Variants in FSTL4 observed in about 807,000 individuals in gnomAD.
FSTL4 encodes the protein follistatin-related protein 4.
Under a neutral mutation model 78.2 loss-of-function variants are expected in FSTL4, and 28 were observed. The observed-to-expected ratio is 0.36, with a 90% CI of 0.27 to 0.49. The LOEUF is 0.49. Among genes scored for constraint, FSTL4 ranks in the 20% least tolerant of loss-of-function variants. The pLI is 0.98. For missense variants in FSTL4, 922 were observed against 1,084.9 expected, an observed-to-expected ratio of 0.85 and a Z score of 2.11; for synonymous variants, 422 against 440.5, an observed-to-expected ratio of 0.96 and a Z score of 0.53.
intron 3 of FSTL4, among the ~76,000 whole-genome samples, chr5:133,512,824 CTT>C (rs11436815): frequency 7.4e-5 from 11 of 149,180 alleles, no homozygotes; most frequent in South Asian, 2.1e-4. Flanking sequence ...GATTTTCTTC[CTT>C]TTTTTTTTTG....
chr5:133,476,658 T>C (rs967825792), intron 3 of FSTL4, among the ~76,000 whole-genome samples: 3 of 152,192 alleles, frequency 2.0e-5, no homozygotes, highest in African/African-American at 7.2e-5. Flanking sequence ...AATTTCCACC[T>C]TCACTGACAT....
the FSTL4 span, among the ~76,000 whole-genome samples, chr5:133,832,559 T>G: frequency 6.6e-6 from 1 of 152,254 alleles, no homozygotes; most frequent in African/African-American, 2.4e-5. Flanking sequence ...CTCAGCCAGA[T>G]ACTAGGTAGG....
In FSTL4 at chr5:133,352,387, C is replaced by T. The variant is rs1356463015; in HGVS notation, c.410-35735G>A. 4.0e-5 allele frequency among the ~76,000 whole-genome samples: 6 copies of T among 148,642 alleles called. No homozygotes were observed. In the South Asian group the frequency reaches 6.5e-4, roughly 16 times the overall value. ...ATATATATACACATATATATATATA[C>T]ACACACATATATATACACATATATA... is the stretch of plus-strand genomic sequence containing the variant. On this transcript the variant is annotated intron_variant, in intron 4 of 15. Coordinates refer to ENST00000265342, the MANE Select transcript of FSTL4 (RefSeq NM_015082.2).
chr5:133,333,469 C>T (rs919836381), intron 4 of FSTL4, among the ~76,000 whole-genome samples: 1 of 152,192 alleles, frequency 6.6e-6, no homozygotes, highest in African/African-American at 2.4e-5. Context: ...GCACAAGGAC[C>T]ACGTTGAAAC....
At chr5:133,360,028 C>G (rs530682177) in intron 4 of FSTL4, among the ~76,000 whole-genome samples, 2 of 152,228 alleles carry the variant, frequency 1.3e-5, no homozygotes, top group African/African-American at 4.8e-5. Flanking sequence ...TCCAAGAGAA[C>G]AGATTTCCTG....
Position 133,334,822 on chromosome 5 carries a change from G to T in FSTL4, c.410-18170C>A, listed in dbSNP as rs116393419. On this transcript the variant is annotated intron_variant, in intron 4 of 15. Transcript: ENST00000265342. Reference sequence around the variant, plus strand: ...CTGGTCCCTGAGACTCTGCCATCCTGGGCTGGGCATCCCTTCAACCCAGGG... The same window carrying T: ...CTGGTCCCTGAGACTCTGCCATCCTTGGCTGGGCATCCCTTCAACCCAGGG... Among the ~76,000 whole-genome samples the T allele has an allele frequency of 5.3e-3, 811 of 152,272 alleles. 5 individuals are homozygous for T. The highest frequency in any genetic ancestry group is 0.019 in the African/African-American group (792 of 41,552).
At chr5:133,733,305 T>C in the FSTL4 span, among the ~76,000 whole-genome samples, 1 of 152,168 alleles carries the variant, frequency 6.6e-6, no homozygotes, top group Middle Eastern at 3.2e-3. Flanking sequence ...CCTCCGTCCT[T>C]GAAATTCAAA....
chr5:133,353,318 T>C (rs535022268), intron 4 of FSTL4, among the ~76,000 whole-genome samples: 1 of 152,364 alleles, frequency 6.6e-6, no homozygotes, highest in South Asian at 2.1e-4. Context: ...TTTTCTTGAA[T>C]GGCTTCTTTT....
At chr5:133,352,705 T>A (rs968368470) in intron 4 of FSTL4, among the ~76,000 whole-genome samples, 11 of 152,234 alleles carry the variant, frequency 7.2e-5, no homozygotes, top group African/African-American at 2.4e-4. Context: ...ATGTGATATT[T>A]GGTTTTCTAT....
chr5:133,282,436 T>C (rs1753031116), intron 6 of FSTL4, among the ~76,000 whole-genome samples: 1 of 152,220 alleles, frequency 6.6e-6, no homozygotes, highest in African/African-American at 2.4e-5. Flanking sequence ...CAGCTCACAG[T>C]TGCATTGTTG....
intron 12 of FSTL4, among the ~76,000 whole-genome samples, chr5:133,219,317 C>T (rs952848431): frequency 5.3e-5 from 8 of 152,222 alleles, no homozygotes; most frequent in Non-Finnish European, 1.2e-4. Flanking sequence ...AAACTAGTCT[C>T]TCTCCTTTTA....
At chr5:133,387,306 T>G (rs933370320) in intron 4 of FSTL4, among the ~76,000 whole-genome samples, 1 of 152,204 alleles carries the variant, frequency 6.6e-6, no homozygotes, top group Non-Finnish European at 1.5e-5. Flanking sequence ...GGGAAAGTTA[T>G]CTGGCTTCTC....
At chr5:133,352,295 C>CACACATATATAT (rs1561682913) in intron 4 of FSTL4, among the ~76,000 whole-genome samples, 12 of 116,252 alleles carry the variant, frequency 1.0e-4, no homozygotes, top group African/African-American at 4.0e-4. Flanking sequence ...CATATATATA[C>CACACATATATAT]ACACACATAT....
At chr5:133,458,567 G>A (rs1359840948) in intron 3 of FSTL4, among the ~76,000 whole-genome samples, 1 of 152,234 alleles carries the variant, frequency 6.6e-6, no homozygotes, top group Non-Finnish European at 1.5e-5. Flanking sequence ...ATGCCAGAGA[G>A]GTGCCCTGGG....
chr5:133,306,489 A>G (rs1753660756), intron 6 of FSTL4, among the ~76,000 whole-genome samples: 1 of 152,228 alleles, frequency 6.6e-6, no homozygotes, highest in African/African-American at 2.4e-5. Flanking sequence ...CCATGTGAGA[A>G]GCAGGGGCTT....
chr5:133,199,286 G>C lies in FSTL4; in HGVS notation c.2338C>G (p.Pro780Ala). The change falls in exon 16 of 16, where the codon CCA becomes GCA. Residue 780 changes from proline (P) to alanine (A), a missense_variant. Pro to Ala is a conservative substitution (Grantham distance 27). Transcript: ENST00000265342. This position sits in a 1 kb window ranked among gnomAD's most constrained non-coding sequence, Gnocchi z 4.4. The part of the protein sequence containing the change: ...KVGMLKNLKE[P>A]PAGPAQPWGG... Reference sequence around the variant, plus strand: ...CAGGGCTGAGCTGGCCCTGCGGGTGGCTCCTTTAAGTTCTTCAGCATGCCC... The same window carrying C: ...CAGGGCTGAGCTGGCCCTGCGGGTGCCTCCTTTAAGTTCTTCAGCATGCCC... The C allele has an allele frequency of 3.1e-6, 5 of 1,613,878 alleles. No individual in the cohort carries two copies. The highest frequency in any genetic ancestry group is 4.2e-6 in the Non-Finnish European group (5 of 1,179,770).
intron 6 of FSTL4, among the ~76,000 whole-genome samples, chr5:133,273,244 T>C (rs948063658): frequency 3.3e-5 from 5 of 152,272 alleles, no homozygotes; most frequent in African/African-American, 1.2e-4. Context: ...ATATCTAAAC[T>C]ACTCTTTTAA....
At chr5:133,502,222 A>G (rs1758513193) in intron 3 of FSTL4, among the ~76,000 whole-genome samples, 1 of 152,198 alleles carries the variant, frequency 6.6e-6, no homozygotes, top group Admixed American at 6.5e-5. Context: ...TGATGCAAAG[A>G]CAGAAAGGTT....
Position 133,236,092 on chromosome 5 carries a change from G to A in FSTL4, c.895-2555C>T, listed in dbSNP as rs559597657. Among the ~76,000 whole-genome samples the A allele has an allele frequency of 2.9e-4, 44 of 152,280 alleles. 1 individual carries two copies. Among genetic ancestry groups the A allele is most frequent in the African/African-American group, 9.9e-4 (41 of 41,566 alleles). On this transcript the variant is annotated intron_variant, in intron 7 of 15. Transcript: ENST00000265342. This position sits in a 1 kb window ranked among gnomAD's most constrained non-coding sequence, Gnocchi z 5.0. ...CAAAAACCAGAGCTGCTTGCAGGGA[G>A]CCTGGCGCTGTGGACCTGCTGGCAT... is the stretch of plus-strand genomic sequence containing the variant.
Sources: gnomAD v4.1 joint callset for allele counts (sites outside exome capture counted in the v4.1 genomes callset) on GRCh38, gnomAD v4.1.1 for gene constraint, Gnocchi (gnomAD v3.1) non-coding constraint, MANE v1.5 for transcripts, NCBI Gene and HGNC (gene_info 2026-07-23, HGNC 2026-07-21) for gene names.